ADAMTS12: variants seen among roughly 807,000 people sequenced by gnomAD.
ADAMTS12 encodes the protein ADAM metallopeptidase with thrombospondin type 1 motif 12, also known as A disintegrin and metalloproteinase with thrombospondin motifs 12.
Under a neutral mutation model 167.8 loss-of-function variants are expected in ADAMTS12, and 118 were observed. The observed-to-expected ratio is 0.70, with a 90% CI of 0.61 to 0.82. The LOEUF is 0.82. Ranked by LOEUF, ADAMTS12 falls within the 40% of genes least tolerant of loss-of-function variation. The probability of loss-of-function intolerance (pLI) is 0.00; values close to 1 mark genes in which losing one functional copy is unlikely to be tolerated. For missense variants in ADAMTS12, 1,916 were observed against 1,998.8 expected, an observed-to-expected ratio of 0.96 and a Z score of 0.79; for synonymous variants, 704 against 716.9, an observed-to-expected ratio of 0.98 and a Z score of 0.29.
intron 2 of ADAMTS12, among the ~76,000 whole-genome samples, chr5:33,803,193 GCAGA>G (rs746463168): frequency 1.3e-5 from 2 of 152,260 alleles, no homozygotes; most frequent in East Asian, 3.9e-4. Flanking sequence ...GCCCATAAAA[GCAGA>G]CAGACAAACT....
chr5:33,883,660 C>A (rs112851275), intron 1 of ADAMTS12, among the ~76,000 whole-genome samples: 3,029 of 152,280 alleles, frequency 0.02, 51 homozygotes, highest in African/African-American at 0.045. Context: ...CCAGAACACA[C>A]TGGAACAAGA....
At position 33,855,010 on chromosome 5, in the gene ADAMTS12, C is replaced by T. The variant is rs532864262; in HGVS notation, c.489+26109G>A. On this transcript the variant is annotated intron_variant, in intron 2 of 23. Coordinates refer to ENST00000504830, the MANE Select transcript of ADAMTS12 (RefSeq NM_030955.4). Reference sequence around the variant, plus strand: ...TTTCTGCCAGTGAGCCACAAAGTTCCGGATCAGGAAACAAGGCAAGAAGCC... The same window carrying T: ...TTTCTGCCAGTGAGCCACAAAGTTCTGGATCAGGAAACAAGGCAAGAAGCC... Among the ~76,000 whole-genome samples, 24 of 152,302 alleles carry T rather than the reference C, an allele frequency of 1.6e-4. No individual in the cohort carries two copies. The South Asian group carries it at 1.7e-3, about 11-fold the overall frequency.
At chr5:33,681,613 C>T (rs531934413) in intron 5 of ADAMTS12, among the ~76,000 whole-genome samples, 1 of 152,260 alleles carries the variant, frequency 6.6e-6, no homozygotes, top group South Asian at 2.1e-4. Context: ...TACACAGAAT[C>T]ATGATGAATT....
At chr5:33,788,703 G>T (rs1403755091) in intron 2 of ADAMTS12, among the ~76,000 whole-genome samples, 2 of 152,130 alleles carry the variant, frequency 1.3e-5, no homozygotes, top group Non-Finnish European at 2.9e-5. Flanking sequence ...AAAGAGACGG[G>T]CTATTCAACA....
rs111333390 is a variant in ADAMTS12, at chr5:33,784,656, C to T, written c.490-33108G>A. Among the ~76,000 whole-genome samples the T allele has an allele frequency of 5.0e-3, 764 of 151,836 alleles. 5 individuals carry two copies. The highest frequency in any genetic ancestry group is 0.017 in the African/African-American group (725 of 41,448). ...TTAAGTCAATGTGCAATATCTATAT[C>T]CTGAAATGTACAAAACATTACCGAG... On this transcript the variant is annotated intron_variant, in intron 2 of 23. Transcript: ENST00000504830.
At chr5:33,660,241 A>T (rs1326215739) in intron 6 of ADAMTS12, among the ~76,000 whole-genome samples, 1 of 152,188 alleles carries the variant, frequency 6.6e-6, no homozygotes, top group Non-Finnish European at 1.5e-5. Flanking sequence ...GATCCTTCGT[A>T]TTCATATTGG....
intron 9 of ADAMTS12, among the ~76,000 whole-genome samples, chr5:33,645,961 G>A (rs1740647643): frequency 6.6e-6 from 1 of 152,166 alleles, no homozygotes; most frequent in Admixed American, 6.5e-5. Flanking sequence ...ATAAAGCTTT[G>A]ACACAGGAAA....
intron 20 of ADAMTS12, among the ~76,000 whole-genome samples, chr5:33,555,437 A>G (rs903780106): frequency 1.6e-4 from 25 of 152,024 alleles, no homozygotes; most frequent in African/African-American, 5.8e-4. Context: ...TTCAGTGGAG[A>G]CGGGGTTTTG....
intron 2 of ADAMTS12, among the ~76,000 whole-genome samples, chr5:33,850,057 G>A (rs1749165083): frequency 6.6e-6 from 1 of 152,068 alleles, no homozygotes; most frequent in African/African-American, 2.4e-5. Flanking sequence ...TAAAACGAAG[G>A]GGGAAAAGCC....
intron 21 of ADAMTS12, among the ~76,000 whole-genome samples, chr5:33,548,115 C>T (rs545002609): frequency 6.6e-6 from 1 of 152,340 alleles, no homozygotes; most frequent in African/African-American, 2.4e-5. Context: ...TTGACACTAA[C>T]TCTGTAGCCT....
intron 2 of ADAMTS12, among the ~76,000 whole-genome samples, chr5:33,843,810 C>A (rs1056983846): frequency 6.6e-6 from 1 of 152,156 alleles, no homozygotes; most frequent in Non-Finnish European, 1.5e-5. Context: ...AGTGTGGATA[C>A]TGGACAAAGG....
intron 8 of ADAMTS12, among the ~76,000 whole-genome samples, chr5:33,649,220 A>G (rs768486420): frequency 3.5e-4 from 54 of 152,206 alleles, no homozygotes; most frequent in Non-Finnish European, 7.3e-4. Context: ...CCTACTCTCA[A>G]TGAGGTTTGA....
intron 1 of ADAMTS12, among the ~76,000 whole-genome samples, chr5:33,885,997 C>T (rs1257404453): frequency 2.6e-5 from 4 of 152,080 alleles, no homozygotes; most frequent in African/African-American, 7.2e-5. Context: ...AAGAGTGTGG[C>T]GGAAGCAAAC....
intron 20 of ADAMTS12, among the ~76,000 whole-genome samples, chr5:33,555,942 TC>T (rs1745472109): frequency 6.6e-6 from 1 of 152,130 alleles, no homozygotes; most frequent in South Asian, 2.1e-4. Flanking sequence ...CAGGCCAGTT[TC>T]TCCATTGGCA....
chr5:33,708,911 G>A (rs753191049), intron 3 of ADAMTS12, among the ~76,000 whole-genome samples: 22 of 151,830 alleles, frequency 1.4e-4, no homozygotes, highest in South Asian at 1.0e-3. Flanking sequence ...AAACCTGCAC[G>A]TTCTGTACAT....
intron 2 of ADAMTS12, among the ~76,000 whole-genome samples, chr5:33,857,675 C>T (rs1299948251): frequency 2.6e-5 from 3 of 113,648 alleles, no homozygotes; most frequent in Admixed American, 9.2e-5. Flanking sequence ...TTGAGAAACA[C>T]ACAAAAAATT....
Position 33,615,890 on chromosome 5 carries a change from T to C in ADAMTS12, c.2326A>G (p.Arg776Gly). 1.9e-6 allele frequency: 3 copies of C among 1,614,160 alleles called. No homozygotes were observed. Among genetic ancestry groups the C allele is most frequent in the Non-Finnish European group, 2.5e-6 (3 of 1,180,006 alleles). Residue 776 changes from arginine to glycine, a missense_variant, in exon 15 of 24, where the codon AGG (arginine) becomes GGG (glycine). Transcript: ENST00000504830. ...KLAGTVFQYD[R>G]KGDLEKLMAT... ...ATCAGCTTTTCCAGGTCTCCTTTCC[T>C]GTCATACTGAAAGACAGTCCCTGCC...
At chr5:33,761,905 C>G (rs1745369153) in intron 2 of ADAMTS12, among the ~76,000 whole-genome samples, 1 of 152,158 alleles carries the variant, frequency 6.6e-6, no homozygotes, top group Non-Finnish European at 1.5e-5. Flanking sequence ...GTTTAAGAAA[C>G]AAGGGGGCCG....
chr5:33,720,030 C>T (rs1295389613), intron 3 of ADAMTS12, among the ~76,000 whole-genome samples: 1 of 152,096 alleles, frequency 6.6e-6, no homozygotes, highest in Non-Finnish European at 1.5e-5. Context: ...TCCACAATCT[C>T]AAACCCAATA....
Sources: gnomAD v4.1 joint callset for allele counts (sites outside exome capture counted in the v4.1 genomes callset) on GRCh38, gnomAD v4.1.1 for gene constraint, MANE v1.5 for transcripts, NCBI Gene and HGNC (gene_info 2026-07-23, HGNC 2026-07-21) for gene names.